GDAP1L1: variants seen among roughly 807,000 people sequenced by gnomAD.
GDAP1L1 encodes the protein ganglioside-induced differentiation-associated protein 1-like 1.
GDAP1L1 carries 21 observed loss-of-function variants against 37.1 expected under a neutral mutation model. The observed-to-expected ratio is 0.57, with a 90% CI of 0.40 to 0.81. GDAP1L1 has a LOEUF of 0.81. Ranked by LOEUF, GDAP1L1 falls within the 40% of genes least tolerant of loss-of-function variation. The pLI is 0.00. For synonymous variants in GDAP1L1, 193 were observed against 209.1 expected (o/e 0.92, Z 0.67); for missense variants, 362 against 491.6 (o/e 0.74, Z 2.49).
Position 44,279,409 on chromosome 20 carries a change from C to T in GDAP1L1, c.*109C>T, listed in dbSNP as rs563552581. On this transcript the variant is annotated 3_prime_UTR_variant, in exon 6 of 6. Transcript: ENST00000342560. Reference sequence around the variant, plus strand: ...ATGAACACTTGGACAGCCCTCCCCGCCCTTCGTTCTGAGTAATAATACCGT... The same window carrying T: ...ATGAACACTTGGACAGCCCTCCCCGTCCTTCGTTCTGAGTAATAATACCGT... 24 of 762,850 alleles carry T rather than the reference C, an allele frequency of 3.1e-5. No individual in the cohort carries two copies. Among genetic ancestry groups the T allele is most frequent in the Middle Eastern group, 4.7e-4 (2 of 4,270 alleles). 47.3% of individuals were successfully genotyped at this position (762,850 alleles called of 1,614,324 possible).
chr20:44,271,890 T>G (rs2062519840), intron 5 of GDAP1L1, among the ~76,000 whole-genome samples: 1 of 152,118 alleles, frequency 6.6e-6, no homozygotes, highest in Non-Finnish European at 1.5e-5. Context: ...ACAGGCAGGA[T>G]GCAGGGACAT....
rs541937816 is a variant in GDAP1L1 at position 44,248,380 on chromosome 20, C to A, written c.180+866C>A. Among the ~76,000 whole-genome samples the A allele has an allele frequency of 2.9e-3, 438 of 152,392 alleles. 2 individuals carry two copies. The highest frequency in any genetic ancestry group is 9.7e-3 in the African/African-American group (403 of 41,608). The stretch of plus-strand genomic sequence containing the variant: ...GGCCAGGGCCCAGAGGCAGGTCCTG[C>A]AGGGGCCTAAGCGGCACCACTGCCT... On this transcript the variant is annotated intron_variant, in intron 1 of 5. Transcript: ENST00000342560.
At position 44,247,523 on chromosome 20, in the gene GDAP1L1, G is replaced by C; in HGVS notation, c.180+9G>C. 4 of 1,488,828 alleles carry C rather than the reference G, an allele frequency of 2.7e-6. No individual in the cohort carries two copies. The highest frequency in any genetic ancestry group is 3.6e-6 in the Non-Finnish European group (4 of 1,116,688). 92.2% of individuals were successfully genotyped at this position (1,488,828 alleles called of 1,614,324 possible). A position where few individuals can be genotyped will look rare whatever the true frequency, so the allele number is the denominator to read the frequency against. ...CCTTCAGCTCGCAGAAGGTAGAGCC[G>C]GGCCGGGAGCCGCCTGCGCCGGTGG... On this transcript the variant is annotated intron_variant, in intron 1 of 5. Coordinates refer to ENST00000342560, the MANE Select transcript of GDAP1L1 (RefSeq NM_024034.6).
In GDAP1L1 at chr20:44,273,697, GC is replaced by G. The variant is rs1300220729; in HGVS notation, c.761-5258del. On this transcript the variant is annotated intron_variant, in intron 5 of 5. Coordinates refer to ENST00000342560, the MANE Select transcript of GDAP1L1 (RefSeq NM_024034.6). ...ACTCACTTTGTATTCATGACTGCAA[GC>G]CTTAGGTGACCTCAATGCTGCCCCA... Among the ~76,000 whole-genome samples the G allele has an allele frequency of 2.0e-5, 3 of 152,158 alleles. No homozygotes were observed. In the East Asian group the frequency reaches 5.8e-4, roughly 29 times the overall value.
chr20:44,250,072 G>A (rs1291297649), intron 1 of GDAP1L1, among the ~76,000 whole-genome samples: 1 of 152,118 alleles, frequency 6.6e-6, no homozygotes, highest in Non-Finnish European at 1.5e-5. Flanking sequence ...ATATAAAGAG[G>A]GCAGTCCCCC....
chr20:44,272,128 C>T (rs1168543478), intron 5 of GDAP1L1, among the ~76,000 whole-genome samples: 3 of 152,190 alleles, frequency 2.0e-5, no homozygotes, highest in African/African-American at 7.2e-5. Context: ...GGGGTGGAGC[C>T]AGCAAGTGAG....
At chr20:44,268,013 T>C (rs1427237163) in intron 5 of GDAP1L1, among the ~76,000 whole-genome samples, 2 of 152,228 alleles carry the variant, frequency 1.3e-5, no homozygotes, top group South Asian at 4.1e-4. Context: ...GAAGTGGTTA[T>C]GGATTTTAAA....
rs901473948 is a variant in GDAP1L1, at chr20:44,263,343, C to A, written c.645+16C>A. 4 of 1,529,630 alleles carry A rather than the reference C, an allele frequency of 2.6e-6. No individual in the cohort carries two copies. Among genetic ancestry groups the A allele is most frequent in the African/African-American group, 1.4e-5 (1 of 73,314 alleles). The allele number at this position is 1,529,630 out of a possible 1,614,324, so 94.8% of individuals were successfully genotyped here. A position where few individuals can be genotyped will look rare whatever the true frequency, so the allele number is the denominator to read the frequency against. On this transcript the variant is annotated intron_variant, in intron 4 of 5. Coordinates refer to ENST00000342560, the MANE Select transcript of GDAP1L1 (RefSeq NM_024034.6). ...GAAGCTCATGGTGAGTACCTCCCGG[C>A]CTGCTGAGTCCCCTTCCCTACGAGC...
intron 1 of GDAP1L1, among the ~76,000 whole-genome samples, chr20:44,256,786 C>A (rs1213429092): frequency 6.6e-6 from 1 of 152,164 alleles, no homozygotes; most frequent in South Asian, 2.1e-4. Context: ...GTCCCAGACA[C>A]TGGGTTGGTA....
intron 5 of GDAP1L1, among the ~76,000 whole-genome samples, chr20:44,276,479 A>AAAGC (rs1416817166): frequency 6.6e-6 from 1 of 152,126 alleles, no homozygotes; most frequent in African/African-American, 2.4e-5. Context: ...AGAAAGGCAG[A>AAAGC]AAGCAAGCAA....
At chr20:44,250,198 C>T (rs992825928) in intron 1 of GDAP1L1, among the ~76,000 whole-genome samples, 2 of 152,174 alleles carry the variant, frequency 1.3e-5, no homozygotes, top group Non-Finnish European at 2.9e-5. Context: ...TCATTCCAGA[C>T]CCAGAGGGCA....
At chr20:44,273,853 C>T (rs1303159751) in intron 5 of GDAP1L1, among the ~76,000 whole-genome samples, 1 of 152,182 alleles carries the variant, frequency 6.6e-6, no homozygotes. Context: ...GTGGTTTTGG[C>T]CATTAAAAGT....
rs536991722 is a variant in GDAP1L1, at chr20:44,248,291, T to A, written c.180+777T>A. Among the ~76,000 whole-genome samples, 14 of 152,278 alleles carry A rather than the reference T, an allele frequency of 9.2e-5. 1 individual carries two copies. The South Asian group carries it at 2.9e-3, about 32-fold the overall frequency. ...ACTGCACCCCTCAGACAGGGGCGCC[T>A]CTAGGGGCGCAATCTCCCACCCTGG... is the stretch of plus-strand genomic sequence containing the variant. On this transcript the variant is annotated intron_variant, in intron 1 of 5. Coordinates refer to ENST00000342560, the MANE Select transcript of GDAP1L1 (RefSeq NM_024034.6).
rs1040440004 is a variant in GDAP1L1 at position 44,279,312 on chromosome 20, G to A, written c.*12G>A. 13 of 1,543,654 alleles carry A rather than the reference G, an allele frequency of 8.4e-6. No individual in the cohort carries two copies. The highest frequency in any genetic ancestry group is 6.8e-5 in the Admixed American group (4 of 58,846). On this transcript the variant is annotated 3_prime_UTR_variant, in exon 6 of 6. Coordinates refer to ENST00000342560, the MANE Select transcript of GDAP1L1 (RefSeq NM_024034.6). ...AAAAATACATCTAGGGCCAGGCCTG[G>A]GGCTTGGTGTCTGACTGTCGGTGTC...
intron 3 of GDAP1L1, among the ~76,000 whole-genome samples, chr20:44,262,671 T>G (rs537218934): frequency 6.6e-6 from 1 of 152,246 alleles, no homozygotes; most frequent in Non-Finnish European, 1.5e-5. Context: ...ATTTTTATTT[T>G]TTTTAACTGT....
Position 44,260,296 on chromosome 20 carries a change from A to C in GDAP1L1, c.547+1689A>C, listed in dbSNP as rs553240760. Among the ~76,000 whole-genome samples the C allele has an allele frequency of 1.9e-3, 286 of 151,860 alleles. 7 individuals are homozygous for C. Among genetic ancestry groups the C allele is most frequent in the Non-Finnish European group, 2.6e-3 (176 of 67,968 alleles). The stretch of plus-strand genomic sequence containing the variant: ...AAAAAAGTGAAGGGCAAAAAAAAAA[A>C]AACAACATCTAGTGTGCTCTCATTA... On this transcript the variant is annotated intron_variant, in intron 3 of 5. Coordinates refer to ENST00000342560, the MANE Select transcript of GDAP1L1 (RefSeq NM_024034.6).
Sources: allele counts gnomAD v4.1 joint callset (sites outside exome capture counted in the v4.1 genomes callset), GRCh38; gene constraint gnomAD v4.1.1; transcripts MANE v1.5; gene names NCBI Gene and HGNC (gene_info 2026-07-23, HGNC 2026-07-21).